The following TLK1 variants were observed in gnomAD, a reference collection of about 807,000 sequenced individuals.
The protein encoded by TLK1 is tousled like kinase 1.
TLK1 carries 24 observed loss-of-function variants against 105.3 expected under a neutral mutation model. That is an observed-to-expected ratio of 0.23 (90% CI 0.17 to 0.32). TLK1 has a LOEUF of 0.32. Ranked by LOEUF, TLK1 falls within the 10% of genes least tolerant of loss-of-function variation. TLK1 has a pLI of 1.00. For missense variants in TLK1, 558 were observed against 910.5 expected (o/e 0.61, Z 4.98); for synonymous variants, 321 against 310.4 (o/e 1.03, Z -0.36).
At chr2:171,213,556 T>C (rs779611943) in intron 1 of TLK1, among the ~76,000 whole-genome samples, 4 of 151,352 alleles carry the variant, frequency 2.6e-5, no homozygotes, top group Non-Finnish European at 5.9e-5. Flanking sequence ...CGGTGGCTCA[T>C]TCCTATAATC....
chr2:171,217,461 A>T (rs1209006982), intron 1 of TLK1, among the ~76,000 whole-genome samples: 1 of 151,804 alleles, frequency 6.6e-6, no homozygotes, highest in African/African-American at 2.4e-5. Context: ...TCAGTTTGGG[A>T]GTCGTATTTC....
chr2:171,008,577 A>T (rs1684753218), intron 14 of TLK1, among the ~76,000 whole-genome samples: 1 of 152,190 alleles, frequency 6.6e-6, no homozygotes, highest in African/African-American at 2.4e-5. Context: ...GTAGAAGTAT[A>T]CCTTTCCATA....
At chr2:171,012,934 A>C (rs1684989104) in intron 13 of TLK1, among the ~76,000 whole-genome samples, 1 of 152,186 alleles carries the variant, frequency 6.6e-6, no homozygotes, top group East Asian at 1.9e-4. Context: ...CATCAATGTA[A>C]GTCAGATCCA....
chr2:171,151,272 G>A (rs1692022663), intron 1 of TLK1, among the ~76,000 whole-genome samples: 2 of 151,996 alleles, frequency 1.3e-5, no homozygotes, highest in Admixed American at 1.3e-4. Flanking sequence ...GCCCACCTCA[G>A]CCTCCCTAAA....
chr2:171,015,864 A>C (rs1051610887), intron 12 of TLK1, among the ~76,000 whole-genome samples: 1 of 151,942 alleles, frequency 6.6e-6, no homozygotes, highest in African/African-American at 2.4e-5. Flanking sequence ...GGATCACCTG[A>C]GGTCGGGAGT....
At chr2:171,069,264 G>A (rs1377053115) in intron 3 of TLK1, among the ~76,000 whole-genome samples, 1 of 152,142 alleles carries the variant, frequency 6.6e-6, no homozygotes, top group African/African-American at 2.4e-5. Context: ...GGCATACTTT[G>A]GGAATGAAAT....
chr2:171,147,695 C>T (rs1413888884), intron 1 of TLK1, among the ~76,000 whole-genome samples: 1 of 152,220 alleles, frequency 6.6e-6, no homozygotes, highest in Non-Finnish European at 1.5e-5. Flanking sequence ...TGGTCTGTTT[C>T]TCCAGCCTGT....
chr2:171,045,016 A>C (rs907389107), intron 11 of TLK1, among the ~76,000 whole-genome samples: 7 of 152,028 alleles, frequency 4.6e-5, no homozygotes, highest in Admixed American at 2.0e-4. Flanking sequence ...TATAGAGACT[A>C]AAGGGATTTG....
intron 3 of TLK1, chr2:171,066,826 C>T (rs1180050897): frequency 1.3e-6 from 2 of 1,550,180 alleles, no homozygotes; most frequent in East Asian, 4.9e-5. Flanking sequence ...TGAACTTTCT[C>T]CCCTACTCAA....
At chr2:171,101,563 T>C (rs915900129) in intron 2 of TLK1, among the ~76,000 whole-genome samples, 1 of 152,164 alleles carries the variant, frequency 6.6e-6, no homozygotes, top group African/African-American at 2.4e-5. Context: ...ACAGTGGTAA[T>C]GGTTGCATAA....
intron 1 of TLK1, among the ~76,000 whole-genome samples, chr2:171,121,408 T>C (rs1179644390): frequency 6.6e-6 from 1 of 152,096 alleles, no homozygotes; most frequent in Non-Finnish European, 1.5e-5. Context: ...AGTGAGCATC[T>C]GTAATTCCAG....
At chr2:171,140,704 T>A (rs967906460) in intron 1 of TLK1, among the ~76,000 whole-genome samples, 2 of 152,264 alleles carry the variant, frequency 1.3e-5, no homozygotes, top group African/African-American at 2.4e-5. Flanking sequence ...ACCATTATTC[T>A]AGGCCTCAAA....
At chr2:171,188,520 A>G (rs976305740) in intron 1 of TLK1, among the ~76,000 whole-genome samples, 1 of 152,176 alleles carries the variant, frequency 6.6e-6, no homozygotes, top group East Asian at 1.9e-4. Context: ...TCTGGCCAAC[A>G]TAGTGAAACC....
At chr2:171,028,864 CAG>C (rs1685903416) in intron 11 of TLK1, among the ~76,000 whole-genome samples, 1 of 152,050 alleles carries the variant, frequency 6.6e-6, no homozygotes, top group Non-Finnish European at 1.5e-5. Flanking sequence ...GTTTAAGTAA[CAG>C]TAAGTGTCAT....
chr2:171,006,727 T>C, intron 16 of TLK1, 73 bp downstream of exon 16: 1 of 1,590,730 alleles, frequency 6.3e-7, no homozygotes, highest in Middle Eastern at 1.7e-4. Context: ...AGTATTTATA[T>C]CATCAACACA....
At chr2:171,204,840 C>A (rs989367835) in intron 1 of TLK1, among the ~76,000 whole-genome samples, 1 of 152,002 alleles carries the variant, frequency 6.6e-6, no homozygotes, top group Admixed American at 6.6e-5. Flanking sequence ...TGCCTGTAAT[C>A]CCAGCTACTC....
rs1690957403 is a variant in TLK1 at position 171,128,396 on chromosome 2, A to G, written c.140-10539T>C. 2.0e-5 allele frequency among the ~76,000 whole-genome samples: 3 copies of G among 152,162 alleles called. No homozygotes were observed. The South Asian group carries it at 6.2e-4, about 32-fold the overall frequency. On this transcript the variant is annotated intron_variant, in intron 1 of 20. Transcript: ENST00000431350. ...TAGCTTCCTTATATAGAAAATGGAG[A>G]TAATAAAAGTACATACCTTATAGAG... is the stretch of plus-strand genomic sequence containing the variant.
At chr2:171,157,976 A>T (rs1558973677) in intron 1 of TLK1, among the ~76,000 whole-genome samples, 2 of 152,232 alleles carry the variant, frequency 1.3e-5, no homozygotes, top group Admixed American at 6.5e-5. Flanking sequence ...ACTAGCAGTT[A>T]AAAAGCTTTC....
At chr2:171,170,715 T>G (rs1422003184) in intron 1 of TLK1, among the ~76,000 whole-genome samples, 1 of 152,264 alleles carries the variant, frequency 6.6e-6, no homozygotes, top group African/African-American at 2.4e-5. Flanking sequence ...AGACTTTGCA[T>G]GTAGAGAAAT....
Sources: gnomAD v4.1 joint callset for allele counts (sites outside exome capture counted in the v4.1 genomes callset) on GRCh38, gnomAD v4.1.1 for gene constraint, MANE v1.5 for transcripts, NCBI Gene and HGNC (gene_info 2026-07-23, HGNC 2026-07-21) for gene names.